The following TYW1B variants were observed in gnomAD, a reference collection of about 807,000 sequenced individuals.
TYW1B encodes the protein tRNA-yW synthesizing protein 1 homolog B.
Under a neutral mutation model 86.9 loss-of-function variants are expected in TYW1B, and 73 were observed. That is an observed-to-expected ratio of 0.84 (90% CI 0.70 to 1.02). TYW1B has a LOEUF of 1.02. TYW1B is among the 50% of genes least tolerant of loss of function. The pLI, the probability that TYW1B is intolerant of heterozygous loss-of-function variation, is 0.00. For missense variants in TYW1B, 637 were observed against 827.4 expected (o/e 0.77, Z 2.82); for synonymous variants, 248 against 292.8 (o/e 0.85, Z 1.56).
At chr7:72,670,413 A>G (rs1813569914) in intron 11 of TYW1B, among the ~76,000 whole-genome samples, 1 of 151,998 alleles carries the variant, frequency 6.6e-6, no homozygotes, top group East Asian at 1.9e-4. Flanking sequence ...CTGGTCTCTA[A>G]CTCTTGAACT....
chr7:72,673,873 T>C (rs1376014032), intron 11 of TYW1B, among the ~76,000 whole-genome samples: 8 of 152,300 alleles, frequency 5.3e-5, no homozygotes, highest in African/African-American at 1.4e-4. Flanking sequence ...CTTATAAATA[T>C]ATACACCTAC....
chr7:72,644,415 G>A (rs758272647), intron 11 of TYW1B, among the ~76,000 whole-genome samples: 1 of 152,118 alleles, frequency 6.6e-6, no homozygotes, highest in South Asian at 2.1e-4. Context: ...GGGCGTGGTG[G>A]TGGGTACCTA....
intron 7 of TYW1B, among the ~76,000 whole-genome samples, chr7:72,747,596 T>C (rs1334637333): frequency 5.3e-5 from 8 of 152,234 alleles, no homozygotes; most frequent in African/African-American, 1.9e-4. Flanking sequence ...CACAGTAAGC[T>C]ACAAGATCAG....
chr7:72,743,537 A>C (rs1554462849), intron 8 of TYW1B, among the ~76,000 whole-genome samples: 1 of 152,114 alleles, frequency 6.6e-6, no homozygotes, highest in Non-Finnish European at 1.5e-5. Context: ...AGCAGTTGTA[A>C]GTGAAGGAAA....
chr7:72,585,359 G>C (rs568225824), intron 13 of TYW1B, among the ~76,000 whole-genome samples: 1 of 152,308 alleles, frequency 6.6e-6, no homozygotes, highest in South Asian at 2.1e-4. Context: ...GCTGAAAAAA[G>C]AGTATCCCAC....
chr7:72,696,398 T>C (rs544295478), intron 10 of TYW1B, among the ~76,000 whole-genome samples: 1 of 152,356 alleles, frequency 6.6e-6, no homozygotes, highest in East Asian at 1.9e-4. Flanking sequence ...CTATAAGGAT[T>C]CCACAATTTA....
chr7:72,811,937 GAAAAGA>G (rs1196431846), intron 3 of TYW1B, among the ~76,000 whole-genome samples: 7 of 125,648 alleles, frequency 5.6e-5, no homozygotes, highest in African/African-American at 1.7e-4. Context: ...AAAAAAAAAG[GAAAAGA>G]AAAGAAAAAA....
chr7:72,606,753 C>T (rs1290269893), intron 13 of TYW1B, among the ~76,000 whole-genome samples: 1 of 151,598 alleles, frequency 6.6e-6, no homozygotes, highest in Non-Finnish European at 1.5e-5. Flanking sequence ...AACAAGGCAC[C>T]CTTCCTACAG....
chr7:72,720,087 T>C (rs1159069953), intron 9 of TYW1B, among the ~76,000 whole-genome samples: 5 of 152,178 alleles, frequency 3.3e-5, no homozygotes, highest in South Asian at 2.1e-4. Context: ...GGTGGCACGA[T>C]AGTGGAGGTG....
intron 8 of TYW1B, among the ~76,000 whole-genome samples, chr7:72,733,381 C>T (rs1447002266): frequency 2.6e-5 from 4 of 152,148 alleles, no homozygotes; most frequent in African/African-American, 9.6e-5. Flanking sequence ...AATCCTTGGC[C>T]GGGCGCGGTG....
At position 72,606,615 on chromosome 7, in the gene TYW1B, C is replaced by A. The variant is rs797034464; in HGVS notation, c.1785+10057G>T. Among the ~76,000 whole-genome samples, 923 of 149,028 alleles carry A rather than the reference C, an allele frequency of 6.2e-3. 9 individuals carry two copies. Among genetic ancestry groups the A allele is most frequent in the African/African-American group, 0.019 (769 of 40,558 alleles). On this transcript the variant is annotated intron_variant, in intron 13 of 13. Coordinates refer to ENST00000620995, the MANE Select transcript of TYW1B (RefSeq NM_001145440.3). The stretch of plus-strand genomic sequence containing the variant: ...CACCCAGCAGCAATAAGGCCCCCCC[C>A]CCGCCTCCATCCTATAATGTCAGTG...
intron 11 of TYW1B, among the ~76,000 whole-genome samples, chr7:72,680,930 T>A (rs1209635372): frequency 6.6e-6 from 1 of 152,210 alleles, no homozygotes; most frequent in East Asian, 1.9e-4. Flanking sequence ...TTCATATGTA[T>A]AAAATATTTA....
chr7:72,714,877 A>G (rs1786748687), intron 9 of TYW1B, among the ~76,000 whole-genome samples: 2 of 152,148 alleles, frequency 1.3e-5, no homozygotes, highest in South Asian at 4.1e-4. Context: ...AGACGGTGTC[A>G]CCGCACTCCA....
chr7:72,596,408 TA>T (rs1271028452), intron 13 of TYW1B, among the ~76,000 whole-genome samples: 1 of 152,056 alleles, frequency 6.6e-6, no homozygotes, highest in African/African-American at 2.4e-5. Flanking sequence ...AAAGCTATAA[TA>T]ATCAAAACAG....
In TYW1B at chr7:72,807,054, C is replaced by G. The variant is rs1322864382; in HGVS notation, c.723+12G>C. On this transcript the variant is annotated intron_variant, in intron 5 of 13. Coordinates refer to ENST00000620995, the MANE Select transcript of TYW1B (RefSeq NM_001145440.3). Reference sequence around the variant, plus strand: ...GGGAAAGCATCAAGAGATGAACACACAGGCGGTATACCTTGGTGTCTCTGT... The same window carrying G: ...GGGAAAGCATCAAGAGATGAACACAGAGGCGGTATACCTTGGTGTCTCTGT... 11 of 1,609,222 alleles carry G rather than the reference C, an allele frequency of 6.8e-6. No individual in the cohort carries two copies. In the East Asian group the frequency reaches 2.5e-4, roughly 36 times the overall value.
At chr7:72,721,755 G>GT (rs1159232363) in intron 9 of TYW1B, among the ~76,000 whole-genome samples, 2 of 151,970 alleles carry the variant, frequency 1.3e-5, no homozygotes, top group Non-Finnish European at 2.9e-5. Context: ...AGTTCTTTGG[G>GT]TTTTTTGGTT....
At chr7:72,701,654 C>A (rs1173656540) in intron 10 of TYW1B, among the ~76,000 whole-genome samples, 5 of 152,076 alleles carry the variant, frequency 3.3e-5, no homozygotes, top group East Asian at 3.9e-4. Context: ...TGGTTTTGGG[C>A]ATATTGTTTC....
rs185029010 is a variant in TYW1B, at chr7:72,789,743, C to T, written c.847-12210G>A. Among the ~76,000 whole-genome samples, 628 of 151,854 alleles carry T rather than the reference C, an allele frequency of 4.1e-3. 3 individuals carry two copies. Among genetic ancestry groups the T allele is most frequent in the African/African-American group, 0.014 (595 of 41,438 alleles). On this transcript the variant is annotated intron_variant, in intron 6 of 13. Transcript: ENST00000620995. ...CCTCCCACCTCAGGCTCCCAAAGTG[C>T]TGGGATTACAGGCAGAGCCACCACA...
intron 7 of TYW1B, among the ~76,000 whole-genome samples, chr7:72,775,729 A>G (rs1229760333): frequency 6.6e-6 from 1 of 151,414 alleles, no homozygotes; most frequent in Non-Finnish European, 1.5e-5. Flanking sequence ...AGTTTAAATT[A>G]GAAAAAAAAA....
Sources: gnomAD v4.1 joint callset for allele counts (sites outside exome capture counted in the v4.1 genomes callset) on GRCh38, gnomAD v4.1.1 for gene constraint, MANE v1.5 for transcripts, NCBI Gene and HGNC (gene_info 2026-07-23, HGNC 2026-07-21) for gene names.